The following SP3 variants were observed in gnomAD, a reference collection of about 807,000 sequenced individuals.
SP3 encodes the protein Sp3 transcription factor.
Under a neutral mutation model 70.3 loss-of-function variants are expected in SP3, and 10 were observed. That is an observed-to-expected ratio of 0.14 (90% CI 0.09 to 0.24). The LOEUF is 0.24. Among genes scored for constraint, SP3 ranks in the 10% least tolerant of loss-of-function variants. The pLI, the probability that SP3 is intolerant of heterozygous loss-of-function variation, is 1.00. For synonymous variants in SP3, 402 were observed against 333.5 expected (o/e 1.21, Z -2.24); for missense variants, 825 against 914.6 (o/e 0.90, Z 1.26).
rs1385887918 is a variant in SP3, at chr2:173,901,718, T to G, written c.*8223A>C. 7.0e-6 allele frequency among the ~76,000 whole-genome samples: 1 copy of G among 143,812 alleles called. No individual in the cohort carries two copies. Among genetic ancestry groups the G allele is most frequent in the African/African-American group, 2.7e-5 (1 of 37,400 alleles). The allele number at this position is 143,812 out of a possible 152,430, so 94.3% of individuals were successfully genotyped here. A position where few individuals can be genotyped will look rare whatever the true frequency, so the allele number is the denominator to read the frequency against. ...GCCTTTTTTTTTTTTTTTTTTTTTT[T>G]TGAGACGAAATCTTGCTCTGTCGCC... On this transcript the variant is annotated 3_prime_UTR_variant, in exon 7 of 7. Transcript: ENST00000310015.
In SP3 at chr2:173,956,227, A is replaced by G; in HGVS notation, c.285T>C (p.Gly95=). 1 of 1,587,950 alleles carries G rather than the reference A, an allele frequency of 6.3e-7. No individual in the cohort carries two copies. The highest frequency in any genetic ancestry group is 2.2e-5 in the East Asian group (1 of 44,464). Residue 95 remains glycine, a synonymous_variant, in exon 4 of 7, where the codon GGT becomes GGC. Coordinates refer to ENST00000310015, the MANE Select transcript of SP3 (RefSeq NM_003111.5). The part of the protein sequence containing the change: ...AGAPAAAGAT[G]DLASAQLGGA... ...CTCCTAACTGTGCAGAAGCCAAATC[A>G]CCTGTCTGGATGAAGAAAACAAAAA...
chr2:173,929,687 C>G (rs925947213), intron 4 of SP3, among the ~76,000 whole-genome samples: 1 of 152,168 alleles, frequency 6.6e-6, no homozygotes, highest in African/African-American at 2.4e-5. Flanking sequence ...GTTCTCTGTG[C>G]CTCTAGGTTC....
intron 4 of SP3, among the ~76,000 whole-genome samples, chr2:173,920,749 C>T (rs7565859): frequency 0.036 from 5,427 of 152,150 alleles, 160 homozygotes; most frequent in Admixed American, 0.1. Flanking sequence ...CGCCACCATG[C>T]CCAGCTAGTT....
rs1689367475 is a variant in SP3, at chr2:173,907,593, C to G, written c.*2348G>C. On this transcript the variant is annotated 3_prime_UTR_variant, in exon 7 of 7. Transcript: ENST00000310015. ...TCATAAAATATGCATGGACACCTAT[C>G]GATTCAAAGTACACCATAAACTTAC... 1 of 152,028 alleles carries G rather than the reference C, an allele frequency of 6.6e-6. No homozygotes were observed. The highest frequency in any genetic ancestry group is 1.5e-5 in the Non-Finnish European group (1 of 67,946). 9.4% of individuals were successfully genotyped at this position (152,028 alleles called of 1,614,324 possible). A position where few individuals can be genotyped will look rare whatever the true frequency, so the allele number is the denominator to read the frequency against.
Position 173,907,803 on chromosome 2 carries a change from T to G in SP3, c.*2138A>C, listed in dbSNP as rs2105449767. 1 of 152,258 alleles carries G rather than the reference T, an allele frequency of 6.6e-6. No homozygotes were observed. The highest frequency in any genetic ancestry group is 1.9e-4 in the East Asian group (1 of 5,194). The allele number at this position is 152,258 out of a possible 1,614,324, so 9.4% of individuals were successfully genotyped here. A position where few individuals can be genotyped will look rare whatever the true frequency, so the allele number is the denominator to read the frequency against. On this transcript the variant is annotated 3_prime_UTR_variant, in exon 7 of 7. Coordinates refer to ENST00000310015, the MANE Select transcript of SP3 (RefSeq NM_003111.5). Reference sequence around the variant, plus strand: ...GATTCAAAATCTAATCCCTGTAACTTCAAAATAATTGTAAATTCTAGTGGT... The same window carrying G: ...GATTCAAAATCTAATCCCTGTAACTGCAAAATAATTGTAAATTCTAGTGGT...
chr2:173,948,474 T>A (rs1373723959), intron 4 of SP3, among the ~76,000 whole-genome samples: 1 of 152,170 alleles, frequency 6.6e-6, no homozygotes, highest in Admixed American at 6.5e-5. Flanking sequence ...GGTTTGGTAC[T>A]CCCTGAGGTT....
At chr2:173,916,067 A>G (rs1375927384) in intron 5 of SP3, 1 of 152,076 alleles carries the variant, frequency 6.6e-6, no homozygotes, top group Non-Finnish European at 1.5e-5. Context: ...TTTACTACCT[A>G]TGTTATGCTT....
intron 4 of SP3, among the ~76,000 whole-genome samples, chr2:173,926,879 C>T (rs1043682712): frequency 7.2e-5 from 11 of 152,126 alleles, no homozygotes; most frequent in African/African-American, 2.7e-4. Context: ...AGTCCGTTCT[C>T]CCACTGCTAT....
chr2:173,961,385 G>A (rs1310052294), intron 3 of SP3, among the ~76,000 whole-genome samples: 2 of 152,052 alleles, frequency 1.3e-5, no homozygotes, highest in Non-Finnish European at 2.9e-5. Flanking sequence ...AAGCTAAACT[G>A]GCATAAAGTT....
rs569988659 is a variant in SP3, at chr2:173,943,207, A to C, written c.1639+11666T>G. Reference sequence around the variant, plus strand: ...ATTTAAAACCTGCCAATGTTTTCCTATGAGACATGAAATAAATCCAATTTC... The same window carrying C: ...ATTTAAAACCTGCCAATGTTTTCCTCTGAGACATGAAATAAATCCAATTTC... On this transcript the variant is annotated intron_variant, in intron 4 of 6. Coordinates refer to ENST00000310015, the MANE Select transcript of SP3 (RefSeq NM_003111.5). Among the ~76,000 whole-genome samples the C allele has an allele frequency of 2.7e-4, 41 of 152,300 alleles. 1 individual carries two copies. In the South Asian group the frequency reaches 8.3e-3, roughly 31 times the overall value.
rs74800186 is a variant in SP3, at chr2:173,947,507, T to C, written c.1639+7366A>G. 7.2e-3 allele frequency among the ~76,000 whole-genome samples: 1,100 copies of C among 152,316 alleles called. 27 individuals are homozygous for C. The highest frequency in any genetic ancestry group is 0.058 in the South Asian group (280 of 4,828). On this transcript the variant is annotated intron_variant, in intron 4 of 6. Coordinates refer to ENST00000310015, the MANE Select transcript of SP3 (RefSeq NM_003111.5). ...CAAGATGCACTCCGATTTCAAAAAA[T>C]TGTCTTAGAATCAATGAAATGGGTT...
chr2:173,965,469 C>G (rs1691265309), upstream of SP3: 3 of 363,258 alleles, frequency 8.3e-6, no homozygotes, highest in Non-Finnish European at 1.0e-5. Context: ...GTCCGTCGGT[C>G]TGCCAGGCGG....
chr2:173,963,806 C>G lies in SP3; in HGVS notation c.234G>C (p.Glu78Asp). Residue 78 changes from glutamate (E) to aspartate (D), a missense_variant, in exon 3 of 7, where the codon GAG (glutamate) becomes GAC (aspartate). Glu to Asp is a conservative substitution (Grantham distance 45). This residue lies in a region of SP3 where 678 missense variants were observed against 651.6 expected (regional missense o/e 1.04). Coordinates refer to ENST00000310015, the MANE Select transcript of SP3 (RefSeq NM_003111.5). ...KIGPPSPGDD[E>D]EEAAAAAGAP... Reference sequence around the variant, plus strand: ...CCCCGGCTGCGGCGGCCGCCTCCTCCTCGTCGTCGCCCGGCGATGGCGGCC... The same window carrying G: ...CCCCGGCTGCGGCGGCCGCCTCCTCGTCGTCGTCGCCCGGCGATGGCGGCC... The G allele has an allele frequency of 2.1e-6, 3 of 1,455,812 alleles. No individual in the cohort carries two copies. Among genetic ancestry groups the G allele is most frequent in the East Asian group, 2.9e-5 (1 of 34,004 alleles). The allele number at this position is 1,455,812 out of a possible 1,614,324, so 90.2% of individuals were successfully genotyped here.
intron 4 of SP3, among the ~76,000 whole-genome samples, chr2:173,951,997 T>G (rs966280916): frequency 2.0e-5 from 3 of 152,310 alleles, no homozygotes; most frequent in Non-Finnish European, 4.4e-5. Context: ...TCATAATAGA[T>G]TTGAGTTTTC....
intron 4 of SP3, among the ~76,000 whole-genome samples, chr2:173,944,109 A>G (rs917915579): frequency 2.0e-5 from 3 of 152,246 alleles, no homozygotes; most frequent in Non-Finnish European, 4.4e-5. Flanking sequence ...GCATGTGACT[A>G]TAACCTCAAA....
Position 173,910,144 on chromosome 2 carries a change from C to A in SP3, c.2143G>T (p.Val715Leu). 6.2e-7 allele frequency: 1 copy of A among 1,613,826 alleles called. No individual in the cohort carries two copies. Among genetic ancestry groups the A allele is most frequent in the South Asian group, 1.1e-5 (1 of 91,052 alleles). ...NKKGIHSSSTVLASVEAARDD... is the reference protein window; with the variant it reads ...NKKGIHSSSTLLASVEAARDD... ...CGCGCAGCTTCCACAGATGCCAGCACTGTACTGCTAGAGTGAATACCTTTT... is the reference window on the plus strand; with the variant it reads ...CGCGCAGCTTCCACAGATGCCAGCAATGTACTGCTAGAGTGAATACCTTTT... Residue 715 changes from valine to leucine, a missense_variant, in exon 7 of 7, where the codon GTG becomes TTG. Coordinates refer to ENST00000310015, the MANE Select transcript of SP3 (RefSeq NM_003111.5).
rs1361213191 is a variant in SP3, at chr2:173,964,397, C to T, written c.156+8G>A. ...GGGGAGCCGGGCCGGGGTTCAGCCG[C>T]TCCTCACCTGGGCCGCCGCTGCCGC... On this transcript the variant is annotated splice_region_variant and intron_variant, in intron 2 of 6. Transcript: ENST00000310015. 2 of 711,592 alleles carry T rather than the reference C, an allele frequency of 2.8e-6. No individual in the cohort carries two copies. Among genetic ancestry groups the T allele is most frequent in the South Asian group, 2.9e-5 (2 of 68,172 alleles). 44.1% of individuals were successfully genotyped at this position (711,592 alleles called of 1,614,324 possible).
At chr2:173,936,383 C>G (rs1241155352) in intron 4 of SP3, among the ~76,000 whole-genome samples, 1 of 152,146 alleles carries the variant, frequency 6.6e-6, no homozygotes, top group East Asian at 1.9e-4. Context: ...TTATGTCTTC[C>G]AAGCATTGAT....
chr2:173,906,293 T>C lies in SP3; in HGVS notation c.*3648A>G, dbSNP rs1328158553. On this transcript the variant is annotated 3_prime_UTR_variant, in exon 7 of 7. Coordinates refer to ENST00000310015, the MANE Select transcript of SP3 (RefSeq NM_003111.5). Reference sequence around the variant, plus strand: ...GCCACTAATATATATATTTACATTATACGCAAATCTGTCTGAACAAGGCAA... The same window carrying C: ...GCCACTAATATATATATTTACATTACACGCAAATCTGTCTGAACAAGGCAA... Among the ~76,000 whole-genome samples, 1 of 152,214 alleles carries C rather than the reference T, an allele frequency of 6.6e-6. No individual in the cohort carries two copies. The highest frequency in any genetic ancestry group is 1.5e-5 in the Non-Finnish European group (1 of 68,030).
Sources: gnomAD v4.1 joint callset for allele counts (sites outside exome capture counted in the v4.1 genomes callset) on GRCh38, gnomAD v4.1.1 for gene constraint, gnomAD v4.1.1 regional missense constraint, MANE v1.5 for transcripts, NCBI Gene and HGNC (gene_info 2026-07-23, HGNC 2026-07-21) for gene names.